Variants in ZNF804B observed in about 807,000 individuals in gnomAD.
ZNF804B encodes zinc finger 804B.
Under a neutral mutation model 101.4 loss-of-function variants are expected in ZNF804B, and 80 were observed. That is an observed-to-expected ratio of 0.79 (90% CI 0.66 to 0.95). The LOEUF (loss-of-function observed/expected upper bound fraction) is 0.95, where lower values mean the gene tolerates loss of function less well. Among genes scored for constraint, ZNF804B ranks in the 40% least tolerant of loss-of-function variants. The probability of loss-of-function intolerance (pLI) is 0.00; values close to 1 mark genes in which losing one functional copy is unlikely to be tolerated. For synonymous variants in ZNF804B, 622 were observed against 558.8 expected (o/e 1.11, Z -1.59); for missense variants, 1,673 against 1,561.9 (o/e 1.07, Z -1.20).
At chr7:88,855,528 C>T (rs1413380891) in intron 1 of ZNF804B, among the ~76,000 whole-genome samples, 19 of 152,048 alleles carry the variant, frequency 1.2e-4, no homozygotes, top group Non-Finnish European at 2.6e-4. Flanking sequence ...GAGTAGATTG[C>T]AAAAATTTTC....
At chr7:89,236,895 T>C (rs559832743) in intron 2 of ZNF804B, among the ~76,000 whole-genome samples, 1 of 152,204 alleles carries the variant, frequency 6.6e-6, no homozygotes, top group African/African-American at 2.4e-5. Flanking sequence ...TTTAAATTTA[T>C]TTTTCAGATT....
In ZNF804B at chr7:89,076,915, G is replaced by A. The variant is rs551907405; in HGVS notation, c.109-141240G>A. On this transcript the variant is annotated intron_variant, in intron 1 of 3. Coordinates refer to ENST00000333190, the MANE Select transcript of ZNF804B (RefSeq NM_181646.5). ...CTGGGGGAATGAACCTCAGGGCAATGGGGAGAAGAACACAGGGGTGGCCCA... is the reference window on the plus strand; with the variant it reads ...CTGGGGGAATGAACCTCAGGGCAATAGGGAGAAGAACACAGGGGTGGCCCA... Among the ~76,000 whole-genome samples the A allele has an allele frequency of 3.3e-5, 5 of 152,248 alleles. No homozygotes were observed. In the South Asian group the frequency reaches 1.0e-3, roughly 32 times the overall value.
intron 1 of ZNF804B, among the ~76,000 whole-genome samples, chr7:88,833,362 G>A (rs78140387): frequency 0.039 from 5,940 of 151,792 alleles, 407 homozygotes; most frequent in African/African-American, 0.14. Flanking sequence ...TTTCTAATCC[G>A]TAAAATGGGA....
At chr7:88,903,152 A>G (rs1792417729) in intron 1 of ZNF804B, among the ~76,000 whole-genome samples, 1 of 148,240 alleles carries the variant, frequency 6.7e-6, no homozygotes, top group South Asian at 2.1e-4. Flanking sequence ...CTTTACGTCC[A>G]CATGTGCTCA....
chr7:88,826,888 A>AT (rs1158854015), intron 1 of ZNF804B, among the ~76,000 whole-genome samples: 1 of 152,110 alleles, frequency 6.6e-6, no homozygotes, highest in Non-Finnish European at 1.5e-5. Context: ...TATATGGATA[A>AT]TTTTCTAACA....
At chr7:89,158,802 G>T (rs17308575) in intron 1 of ZNF804B, among the ~76,000 whole-genome samples, 31,027 of 151,888 alleles carry the variant, frequency 0.2, 3,377 homozygotes, top group Middle Eastern at 0.39. Context: ...TTTGTGACTT[G>T]ACTTGTACCT....
chr7:89,058,045 A>G (rs1789323941), intron 1 of ZNF804B, among the ~76,000 whole-genome samples: 2 of 152,104 alleles, frequency 1.3e-5, no homozygotes. Context: ...GTCAATTCTC[A>G]GGCCAGTGGT....
intron 1 of ZNF804B, among the ~76,000 whole-genome samples, chr7:88,932,674 A>G (rs1319596028): frequency 6.6e-6 from 1 of 151,790 alleles, no homozygotes. Flanking sequence ...CTGAAAATAT[A>G]CAGGCTCCTA....
intron 2 of ZNF804B, among the ~76,000 whole-genome samples, chr7:89,283,559 T>C (rs1488028196): frequency 2.0e-5 from 3 of 152,218 alleles, no homozygotes; most frequent in African/African-American, 4.8e-5. Flanking sequence ...TTTCATTTGA[T>C]CCCTGCTGTG....
chr7:89,107,941 A>G (rs1044198257), intron 1 of ZNF804B, among the ~76,000 whole-genome samples: 1 of 152,052 alleles, frequency 6.6e-6, no homozygotes, highest in African/African-American at 2.4e-5. Context: ...CAAAGAAGAG[A>G]TGAGCATTAA....
chr7:89,329,243 G>A (rs948219739), intron 3 of ZNF804B, among the ~76,000 whole-genome samples: 1 of 151,668 alleles, frequency 6.6e-6, no homozygotes, highest in African/African-American at 2.4e-5. Flanking sequence ...TCTAGATATA[G>A]AGCCTGAAAC....
intron 2 of ZNF804B, among the ~76,000 whole-genome samples, chr7:89,262,979 G>T (rs56365524): frequency 0.28 from 43,154 of 151,806 alleles, 6,291 homozygotes; most frequent in South Asian, 0.34. Context: ...TTGTAGCTTA[G>T]TTGTCCTGTA....
chr7:89,309,494 G>T (rs1206008961), intron 2 of ZNF804B, among the ~76,000 whole-genome samples: 1 of 151,986 alleles, frequency 6.6e-6, no homozygotes, highest in African/African-American at 2.4e-5. Flanking sequence ...AGGCATGGTG[G>T]CTCATGCCTG....
intron 1 of ZNF804B, among the ~76,000 whole-genome samples, chr7:89,077,805 A>C (rs997566402): frequency 6.6e-6 from 1 of 152,276 alleles, no homozygotes; most frequent in East Asian, 1.9e-4. Flanking sequence ...TGAATAAACA[A>C]TTAAAACTAC....
intron 1 of ZNF804B, among the ~76,000 whole-genome samples, chr7:88,966,168 TATA>T (rs1214213203): frequency 1.3e-5 from 2 of 151,524 alleles, no homozygotes; most frequent in Admixed American, 1.3e-4. Context: ...AATATTATCA[TATA>T]ATAACTAGAA....
At chr7:88,775,184 G>A (rs1790123478) in intron 1 of ZNF804B, among the ~76,000 whole-genome samples, 1 of 152,166 alleles carries the variant, frequency 6.6e-6, no homozygotes, top group Non-Finnish European at 1.5e-5. Flanking sequence ...AGAATAAACA[G>A]GGTGACCCTA....
At chr7:88,994,374 G>A (rs761294883) in intron 1 of ZNF804B, among the ~76,000 whole-genome samples, 2 of 151,928 alleles carry the variant, frequency 1.3e-5, no homozygotes, top group Admixed American at 6.6e-5. Context: ...TGATGGATAT[G>A]CATTTATTTA....
intron 2 of ZNF804B, among the ~76,000 whole-genome samples, chr7:89,265,449 C>T (rs1789778746): frequency 6.6e-6 from 1 of 152,116 alleles, no homozygotes; most frequent in Admixed American, 6.5e-5. Context: ...AATAGAACTC[C>T]ATAATTTAAT....
At chr7:88,808,210 G>T (rs1358626624) in intron 1 of ZNF804B, among the ~76,000 whole-genome samples, 1 of 151,826 alleles carries the variant, frequency 6.6e-6, no homozygotes, top group Non-Finnish European at 1.5e-5. Context: ...TGGCCAACAT[G>T]GTGAAAACCC....
Sources: gnomAD v4.1 joint callset for allele counts (sites outside exome capture counted in the v4.1 genomes callset) on GRCh38, gnomAD v4.1.1 for gene constraint, MANE v1.5 for transcripts, NCBI Gene and HGNC (gene_info 2026-07-23, HGNC 2026-07-21) for gene names.